Variants in HERC3 observed in about 807,000 individuals in gnomAD.
The protein encoded by HERC3 is HECT and RLD domain containing E3 ubiquitin protein ligase 3, also known as probable E3 ubiquitin-protein ligase HERC3.
Under a neutral mutation model 129.9 loss-of-function variants are expected in HERC3, and 58 were observed. The ratio of observed to expected loss-of-function variants is 0.45; its 90% CI spans 0.36 to 0.56. The LOEUF (loss-of-function observed/expected upper bound fraction) is 0.56, where lower values mean the gene tolerates loss of function less well. HERC3 is among the 20% of genes least tolerant of loss of function. The pLI is 0.00. For missense variants in HERC3, 835 were observed against 1,244.2 expected (o/e 0.67, Z 4.95); for synonymous variants, 430 against 451.0 (o/e 0.95, Z 0.59).
the HERC3 span, among the ~76,000 whole-genome samples, chr4:88,531,606 G>A: frequency 6.6e-6 from 1 of 152,172 alleles, no homozygotes; most frequent in African/African-American, 2.4e-5. Context: ...AAGATGAGCT[G>A]TTGCTCTCTC....
intron 5 of HERC3, among the ~76,000 whole-genome samples, chr4:88,652,593 T>C (rs1348784844): frequency 6.6e-6 from 1 of 152,234 alleles, no homozygotes; most frequent in Non-Finnish European, 1.5e-5. Context: ...GCCTGGTAAT[T>C]GGCCTGTCCG....
At chr4:88,595,421 G>A (rs992412216) in intron 1 of HERC3, 136 bp from the exon 2 acceptor site, 4 of 152,118 alleles carry the variant, frequency 2.6e-5, no homozygotes, top group Non-Finnish European at 4.4e-5. Context: ...GATACAATGC[G>A]TGGGGAATAT....
intron 23 of HERC3, among the ~76,000 whole-genome samples, chr4:88,698,872 T>C (rs1194587162): frequency 2.7e-5 from 3 of 111,348 alleles, no homozygotes; most frequent in Admixed American, 9.6e-5. Flanking sequence ...TTTCCCCACC[T>C]TCCTCACCCT....
intron 2 of HERC3, among the ~76,000 whole-genome samples, chr4:88,603,586 C>T (rs1723271210): frequency 6.6e-6 from 1 of 152,184 alleles, no homozygotes; most frequent in Admixed American, 6.5e-5. Context: ...CCCCCGTCTC[C>T]TTTCGTCTCT....
chr4:88,604,235 T>C lies in HERC3; in HGVS notation c.-29-1560T>C, dbSNP rs1723363010. On this transcript the variant is annotated intron_variant, in intron 2 of 25. Transcript: ENST00000402738. ...GGTCTCCCCATGTTGGTCAGGCTGGTGTGGAACTCCCGACCTCAGGTGGTC... is the reference window on the plus strand; with the variant it reads ...GGTCTCCCCATGTTGGTCAGGCTGGCGTGGAACTCCCGACCTCAGGTGGTC... 4.6e-5 allele frequency among the ~76,000 whole-genome samples: 7 copies of C among 152,212 alleles called. No homozygotes were observed. In the South Asian group the frequency reaches 1.2e-3, roughly 27 times the overall value.
chr4:88,605,965 T>A lies in HERC3; in HGVS notation c.142T>A (p.Phe48Ile). The change falls in exon 3 of 26, where the codon TTC (phenylalanine) becomes ATC (isoleucine). Residue 48 changes from phenylalanine to isoleucine, a missense_variant. Coordinates refer to ENST00000402738, the MANE Select transcript of HERC3 (RefSeq NM_014606.3). ...EVACGGNHSV[F>I]LLEDGEVYTC... ...GGCCTGTGGGGGAAACCACTCTGTG[T>A]TCCTGCTGGAAGATGGGGAAGTTTA... The A allele has an allele frequency of 6.2e-7, 1 of 1,614,116 alleles. No homozygotes were observed. Among genetic ancestry groups the A allele is most frequent in the Non-Finnish European group, 8.5e-7 (1 of 1,180,014 alleles).
chr4:88,693,424 GGTGT>G (rs1267720282), intron 23 of HERC3: 2 of 971,912 alleles, frequency 2.1e-6, no homozygotes, highest in Admixed American at 1.2e-4. Flanking sequence ...TTAGAAACAT[GGTGT>G]GTATTCTTTA....
At chr4:88,632,188 G>T (rs907705546) in intron 3 of HERC3, among the ~76,000 whole-genome samples, 2 of 152,148 alleles carry the variant, frequency 1.3e-5, no homozygotes, top group Non-Finnish European at 2.9e-5. Flanking sequence ...TGTTCTGCAT[G>T]CGTGGATTTA....
intron 23 of HERC3, chr4:88,692,981 A>G: frequency 1.0e-6 from 1 of 980,422 alleles, no homozygotes; most frequent in Non-Finnish European, 1.2e-6. Context: ...AAATTGTAAT[A>G]GTTAAAAACA....
the HERC3 span, among the ~76,000 whole-genome samples, chr4:88,571,926 G>A: frequency 6.6e-6 from 1 of 152,162 alleles, no homozygotes; most frequent in Admixed American, 6.5e-5. Flanking sequence ...TAATCCCGGT[G>A]CCTCAGAATG....
chr4:88,689,162 C>T (rs1733792918), intron 23 of HERC3, among the ~76,000 whole-genome samples: 1 of 152,102 alleles, frequency 6.6e-6, no homozygotes, highest in African/African-American at 2.4e-5. Flanking sequence ...ATTAAATTCA[C>T]TCTATCCAAG....
At chr4:88,586,162 T>C in the HERC3 span, among the ~76,000 whole-genome samples, 1 of 152,228 alleles carries the variant, frequency 6.6e-6, no homozygotes, top group Non-Finnish European at 1.5e-5. Flanking sequence ...CAGTAAAGAA[T>C]TGAAAGCAAT....
Position 88,674,381 on chromosome 4 carries a change from C to G in HERC3, c.1912-1837C>G, listed in dbSNP as rs561392092. On this transcript the variant is annotated intron_variant, in intron 16 of 25. Coordinates refer to ENST00000402738, the MANE Select transcript of HERC3 (RefSeq NM_014606.3). ...TATGTACTTAAAAATACTAAGTAGG[C>G]TCGGACTCTGTAATGCCAGAACTGT... 2.0e-5 allele frequency among the ~76,000 whole-genome samples: 3 copies of G among 152,328 alleles called. No homozygotes were observed. The South Asian group carries it at 6.2e-4, about 32-fold the overall frequency.
intron 9 of HERC3, 36 bp from the exon 10 acceptor site, chr4:88,658,379 A>C: frequency 8.1e-7 from 1 of 1,230,120 alleles, no homozygotes; most frequent in Middle Eastern, 1.9e-4. Context: ...ACTTCAATTA[A>C]TGAAAAATAT....
chr4:88,694,441 C>G (rs1168765814), intron 23 of HERC3, among the ~76,000 whole-genome samples: 1 of 152,066 alleles, frequency 6.6e-6, no homozygotes, highest in African/African-American at 2.4e-5. Flanking sequence ...GTCTTTAACT[C>G]TGTGATTTCT....
In HERC3 at chr4:88,619,703, C is replaced by T. The variant is rs76673660; in HGVS notation, c.226+13654C>T. 6.8e-3 allele frequency among the ~76,000 whole-genome samples: 1,037 copies of T among 152,196 alleles called. 12 individuals carry two copies. The highest frequency in any genetic ancestry group is 0.024 in the African/African-American group (984 of 41,508). On this transcript the variant is annotated intron_variant, in intron 3 of 25. Transcript: ENST00000402738. Reference sequence around the variant, plus strand: ...TAGACTGGGAGAAATAACTGCCAGACGTTGCCAGACAAAGATTTCATATTT... The same window carrying T: ...TAGACTGGGAGAAATAACTGCCAGATGTTGCCAGACAAAGATTTCATATTT...
the HERC3 span, among the ~76,000 whole-genome samples, chr4:88,566,032 A>AT: frequency 6.6e-6 from 1 of 151,616 alleles, no homozygotes; most frequent in Admixed American, 6.6e-5. Flanking sequence ...ACATAGGTAA[A>AT]TTTGTGTCAT....
At chr4:88,644,137 C>T (rs374455658) in intron 3 of HERC3, among the ~76,000 whole-genome samples, 1 of 152,096 alleles carries the variant, frequency 6.6e-6, no homozygotes, top group East Asian at 1.9e-4. Flanking sequence ...CAAGTGTTGG[C>T]AAGGATGCAG....
intron 3 of HERC3, among the ~76,000 whole-genome samples, chr4:88,614,216 T>G (rs1724663626): frequency 1.3e-5 from 2 of 152,218 alleles, no homozygotes; most frequent in African/African-American, 4.8e-5. Context: ...ATTTTTAAGC[T>G]GATTAATCCT....
Sources: allele counts gnomAD v4.1 joint callset (sites outside exome capture counted in the v4.1 genomes callset), GRCh38; gene constraint gnomAD v4.1.1; transcripts MANE v1.5; gene names NCBI Gene and HGNC (gene_info 2026-07-23, HGNC 2026-07-21).